Variants in KIF21B observed in about 807,000 individuals in gnomAD.
KIF21B encodes kinesin family member 21B.
KIF21B carries 85 observed loss-of-function variants against 192.9 expected under a neutral mutation model. The observed-to-expected ratio is 0.44, with a 90% CI of 0.37 to 0.53. The LOEUF (loss-of-function observed/expected upper bound fraction) is 0.53. Ranked by LOEUF, KIF21B falls within the 20% of genes least tolerant of loss-of-function variation. The pLI is 0.00. For synonymous variants in KIF21B, 832 were observed against 884.6 expected (o/e 0.94, Z 1.05); for missense variants, 1,716 against 2,194.8 (o/e 0.78, Z 4.36).
intron 1 of KIF21B, among the ~76,000 whole-genome samples, chr1:201,018,711 A>G (rs777067960): frequency 6.6e-6 from 1 of 152,182 alleles, no homozygotes; most frequent in Non-Finnish European, 1.5e-5. Flanking sequence ...AATAACATCA[A>G]TCACCTAGCC....
At position 200,991,056 on chromosome 1, in the gene KIF21B, C is replaced by T. The variant is rs752531935; in HGVS notation, c.2548G>A (p.Val850Met). 38 of 1,614,062 alleles carry T rather than the reference C, an allele frequency of 2.4e-5. No homozygotes were observed. Among genetic ancestry groups the T allele is most frequent in the Admixed American group, 2.0e-4 (12 of 60,014 alleles). Residue 850 changes from valine to methionine, a missense_variant, in exon 18 of 35, where the codon GTG (valine) becomes ATG (methionine). Val to Met is a conservative substitution (Grantham distance 21). Coordinates refer to ENST00000461742, the MANE Select transcript of KIF21B (RefSeq NM_001252102.2). ...KPPMLDSGAE[V>M]SASTTSSEAE... is the part of the protein sequence containing the mutation. Reference sequence around the variant, plus strand: ...TCAGATGAGGTAGTGCTGGCCGACACCTCAGCCCCAGAGTCCAGCATGGGT... The same window carrying T: ...TCAGATGAGGTAGTGCTGGCCGACATCTCAGCCCCAGAGTCCAGCATGGGT...
In KIF21B at chr1:201,000,543, G is replaced by A. The variant is rs766663215; in HGVS notation, c.1532C>T (p.Ala511Val). 1.7e-5 allele frequency: 28 copies of A among 1,613,030 alleles called. No homozygotes were observed. The Admixed American group carries it at 2.7e-4, about 15-fold the overall frequency. The stretch of plus-strand genomic sequence containing the variant: ...AGCACCCAGGGAGTAGGGGCTCCTA[G>A]CCGAGGCCCGTGAGAGGCTGCGGCG... ...SLRRSLSRAS[A>V]RSPYSLGASP... Residue 511 changes from alanine (A) to valine (V), a missense_variant, in exon 11 of 35, where the codon GCT becomes GTT. Around this residue, in one of 3 missense-constraint regions of KIF21B, gnomAD observed 1,087 missense variants for 1,316.6 expected, o/e 0.83. Transcript: ENST00000461742. This position sits in a 1 kb window ranked among gnomAD's most constrained non-coding sequence, Gnocchi z 6.0.
chr1:200,976,966 C>T lies in KIF21B; in HGVS notation c.4326-73G>A, dbSNP rs1655593571. On this transcript the variant is annotated intron_variant, in intron 31 of 34. Coordinates refer to ENST00000461742, the MANE Select transcript of KIF21B (RefSeq NM_001252102.2). ...CCTGGGTTGGGGTGGGGTGTCTGCCCCAAAACAAATAGGCCTGGTCAGGGT... is the reference window on the plus strand; with the variant it reads ...CCTGGGTTGGGGTGGGGTGTCTGCCTCAAAACAAATAGGCCTGGTCAGGGT... The T allele has an allele frequency of 4.0e-5, 48 of 1,213,464 alleles. No individual in the cohort carries two copies. In the South Asian group the frequency reaches 6.2e-4, roughly 16 times the overall value. 75.2% of individuals were successfully genotyped at this position (1,213,464 alleles called of 1,614,324 possible). A position where few individuals can be genotyped will look rare whatever the true frequency, so the allele number is the denominator to read the frequency against.
chr1:200,990,815 C>A lies in KIF21B; in HGVS notation c.2688-92G>T. The A allele has an allele frequency of 6.3e-7, 1 of 1,592,316 alleles. No individual in the cohort carries two copies. Among genetic ancestry groups the A allele is most frequent in the Non-Finnish European group, 8.6e-7 (1 of 1,164,318 alleles). On this transcript the variant is annotated intron_variant, in intron 18 of 34. Transcript: ENST00000461742. The surrounding 1 kb of genome is among the most constrained non-coding windows in gnomAD (Gnocchi z 5.4). The stretch of plus-strand genomic sequence containing the variant: ...CATCTGGAGCTGACAGCCACGGGGA[C>A]CCGGAGCACTCCCCAGAGCTTCCCT...
At chr1:201,015,159 T>C (rs1008094359) in intron 1 of KIF21B, among the ~76,000 whole-genome samples, 6 of 152,214 alleles carry the variant, frequency 3.9e-5, no homozygotes, top group African/African-American at 1.4e-4. Flanking sequence ...GTCACATAGC[T>C]AATATGCAAA....
At chr1:201,003,820 C>G (rs750955637) in intron 7 of KIF21B, 39 bp from the exon 8 acceptor site, 2 of 1,604,616 alleles carry the variant, frequency 1.2e-6, no homozygotes, top group Non-Finnish European at 1.7e-6. Flanking sequence ...GTGAGGGACA[C>G]AGCCAGCCCC....
At chr1:200,991,558 AG>A (rs1656697273) in intron 17 of KIF21B, 98 bp downstream of exon 17, 3 of 1,222,908 alleles carry the variant, frequency 2.5e-6, no homozygotes, top group African/African-American at 3.0e-5. Context: ...TTCCACCGCC[AG>A]GAAGTTGGAG....
In KIF21B at chr1:200,992,078, C is replaced by T. The variant is rs148895179; in HGVS notation, c.2385+204G>A. Among the ~76,000 whole-genome samples the T allele has an allele frequency of 4.7e-3, 717 of 152,358 alleles. 5 individuals carry two copies. The highest frequency in any genetic ancestry group is 0.016 in the African/African-American group (685 of 41,590). On this transcript the variant is annotated intron_variant, in intron 16 of 34. Transcript: ENST00000461742. ...CTTCCCCTCTCCAGGGCTCAAGTCC[C>T]TCCTCTTAACATGTGGGGGCTGGAC...
In KIF21B at chr1:200,982,153, A is replaced by C. The variant is rs1655971908; in HGVS notation, c.3842+903T>G. Among the ~76,000 whole-genome samples the C allele has an allele frequency of 6.6e-6, 1 of 152,116 alleles. No individual in the cohort carries two copies. Among genetic ancestry groups the C allele is most frequent in the Non-Finnish European group, 1.5e-5 (1 of 68,020 alleles). On this transcript the variant is annotated intron_variant, in intron 28 of 34. Transcript: ENST00000461742. This position sits in a 1 kb window ranked among gnomAD's most constrained non-coding sequence, Gnocchi z 4.7. ...AGCCAGGTGCCACACATGCACAAAT[A>C]GCTCCCCAAGCTGCTCCAGCACCCT...
At position 201,004,457 on chromosome 1, in the gene KIF21B, T is replaced by C; in HGVS notation, c.901-2A>G. The C allele has an allele frequency of 6.4e-7, 1 of 1,566,490 alleles. No individual in the cohort carries two copies. On this transcript the variant is annotated splice_acceptor_variant, in intron 6 of 34. Coordinates refer to ENST00000461742, the MANE Select transcript of KIF21B (RefSeq NM_001252102.2). LOFTEE classifies it high-confidence loss of function. ...GCTGATCACATTGCCCAAGGCCAGCTGTGGGAGACAGACCCTGGCACTCAG... is the reference window on the plus strand; with the variant it reads ...GCTGATCACATTGCCCAAGGCCAGCCGTGGGAGACAGACCCTGGCACTCAG...
chr1:200,975,768 G>C lies in KIF21B; in HGVS notation c.4444-99C>G. The stretch of plus-strand genomic sequence containing the variant: ...AGAGGCCTGAAGACCCAGGAGTCTG[G>C]CTAGGGTGACAGCCACTGCCCTCTG... On this transcript the variant is annotated intron_variant, in intron 32 of 34. Transcript: ENST00000461742. The surrounding 1 kb of genome is among the most constrained non-coding windows in gnomAD (Gnocchi z 4.3). 7.1e-6 allele frequency: 9 copies of C among 1,262,038 alleles called. No individual in the cohort carries two copies. The highest frequency in any genetic ancestry group is 8.6e-6 in the Non-Finnish European group (8 of 934,172). The allele number at this position is 1,262,038 out of a possible 1,614,324, so 78.2% of individuals were successfully genotyped here. A position where few individuals can be genotyped will look rare whatever the true frequency, so the allele number is the denominator to read the frequency against.
chr1:200,974,350 C>T (rs1054969417), intron 34 of KIF21B, among the ~76,000 whole-genome samples: 8 of 151,636 alleles, frequency 5.3e-5, no homozygotes, highest in East Asian at 1.9e-4. Flanking sequence ...GGGGCCAGAG[C>T]GGGTGGGTGG....
In KIF21B at chr1:201,000,382, C is replaced by A. The variant is rs1016499766; in HGVS notation, c.1685+8G>T. On this transcript the variant is annotated splice_region_variant and intron_variant, in intron 11 of 34. Coordinates refer to ENST00000461742, the MANE Select transcript of KIF21B (RefSeq NM_001252102.2). The surrounding 1 kb of genome is among the most constrained non-coding windows in gnomAD (Gnocchi z 6.0). ...GGCTCTCAGGGGCGGGGACGACACT[C>A]CACTCACCTCTTCCTCCGCTGCCTG... 4 of 1,546,920 alleles carry A rather than the reference C, an allele frequency of 2.6e-6. No homozygotes were observed.
At position 201,004,433 on chromosome 1, in the gene KIF21B, C is replaced by G. The variant is rs148716604; in HGVS notation, c.923G>C (p.Ser308Thr). 12 of 1,578,088 alleles carry G rather than the reference C, an allele frequency of 7.6e-6. No individual in the cohort carries two copies. The highest frequency in any genetic ancestry group is 1.0e-5 in the Non-Finnish European group (12 of 1,161,070). Residue 308 changes from serine to threonine, a missense_variant, in exon 7 of 35, where the codon AGC becomes ACC. By Grantham distance (58) the Ser-to-Thr change is moderately conservative. Around this residue, in one of 3 missense-constraint regions of KIF21B, gnomAD observed 1,087 missense variants for 1,316.6 expected, o/e 0.83. Coordinates refer to ENST00000461742, the MANE Select transcript of KIF21B (RefSeq NM_001252102.2). Reference sequence around the variant, plus strand: ...CTTCTTGCTCTGGTCCCCTAAGGCGCTGATCACATTGCCCAAGGCCAGCTG... The same window carrying G: ...CTTCTTGCTCTGGTCCCCTAAGGCGGTGATCACATTGCCCAAGGCCAGCTG... ...CGLLALGNVI[S>T]ALGDQSKKVV...
rs74138810 is a variant in KIF21B at position 200,999,629 on chromosome 1, C to T, written c.1768-163G>A. Among the ~76,000 whole-genome samples the T allele has an allele frequency of 0.041, 6,230 of 151,896 alleles. 279 individuals are homozygous for T. The highest frequency in any genetic ancestry group is 0.11 in the East Asian group (587 of 5,138). On this transcript the variant is annotated intron_variant, in intron 12 of 34. Transcript: ENST00000461742. The surrounding 1 kb of genome is among the most constrained non-coding windows in gnomAD (Gnocchi z 4.7). The stretch of plus-strand genomic sequence containing the variant: ...CCCCCTACTCCTGGAAGAGTGCCGC[C>T]TCCCCCAACACCACCGCAGAACCCC...
At position 200,975,535 on chromosome 1, in the gene KIF21B, G is replaced by C; in HGVS notation, c.4578C>G (p.Ile1526Met). 1.2e-6 allele frequency: 2 copies of C among 1,613,584 alleles called. No individual in the cohort carries two copies. Among genetic ancestry groups the C allele is most frequent in the Non-Finnish European group, 1.7e-6 (2 of 1,179,602 alleles). The change falls in exon 33 of 35, where the codon ATC becomes ATG. Residue 1526 changes from isoleucine (I) to methionine (M), a missense_variant. By Grantham distance (10) the Ile-to-Met change is conservative (BLOSUM62 1). This residue lies in a region of KIF21B where 580 missense variants were observed against 775.5 expected (regional missense o/e 0.75). Transcript: ENST00000461742. The surrounding 1 kb of genome is among the most constrained non-coding windows in gnomAD (Gnocchi z 4.3). ...CCTGCTGGTCTAGGTCCCACTTCTT[G>C]ATGCCGTTATCTCGGGAGCCACTGA... is the stretch of plus-strand genomic sequence containing the variant. ...ILFSGSRDNGIKKWDLDQQEL... is the reference protein window; with the variant it reads ...ILFSGSRDNGMKKWDLDQQEL...
chr1:201,018,076 T>C (rs1658605349), intron 1 of KIF21B, among the ~76,000 whole-genome samples: 1 of 152,084 alleles, frequency 6.6e-6, no homozygotes, highest in Admixed American at 6.5e-5. Flanking sequence ...CCTCTGGCTG[T>C]TCTAAGAGGG....
intron 15 of KIF21B, among the ~76,000 whole-genome samples, chr1:200,995,775 G>A (rs1234501695): frequency 6.6e-6 from 1 of 152,204 alleles, no homozygotes; most frequent in Non-Finnish European, 1.5e-5. Flanking sequence ...CTGGAGCCTG[G>A]CCATAGTAAA....
intron 1 of KIF21B, among the ~76,000 whole-genome samples, chr1:201,014,567 G>A (rs1658403838): frequency 6.6e-6 from 1 of 152,232 alleles, no homozygotes; most frequent in African/African-American, 2.4e-5. Context: ...TTAGGAGGGG[G>A]AGGATGGCCC....
Sources: gnomAD v4.1 joint callset for allele counts (sites outside exome capture counted in the v4.1 genomes callset) on GRCh38, gnomAD v4.1.1 for gene constraint, gnomAD v4.1.1 regional missense constraint, Gnocchi (gnomAD v3.1) non-coding constraint, MANE v1.5 for transcripts, NCBI Gene and HGNC (gene_info 2026-07-23, HGNC 2026-07-21) for gene names.